The following CCNH variants were observed in gnomAD, a reference collection of about 807,000 sequenced individuals.
CCNH encodes the protein cyclin H, also known as cyclin-H.
A neutral mutation model predicts 41.9 loss-of-function variants in CCNH; 31 were observed. That is an observed-to-expected ratio of 0.74 (90% CI 0.56 to 1.00). The LOEUF (loss-of-function observed/expected upper bound fraction) is 1.00. Among genes scored for constraint, CCNH ranks in the 50% least tolerant of loss-of-function variants. The pLI is 0.00. For missense variants in CCNH, 362 were observed against 388.4 expected (o/e 0.93, Z 0.57); for synonymous variants, 138 against 136.1 (o/e 1.01, Z -0.10).
chr5:87,331,159 C>A, intron 9 of CCNH: 1 of 882,144 alleles, frequency 1.1e-6, no homozygotes. Context: ...AATTAAAGAC[C>A]AAGTAAATGA....
chr5:87,372,092 C>G (rs749739962), downstream of CCNH: 2 of 1,603,156 alleles, frequency 1.2e-6, no homozygotes, highest in South Asian at 2.2e-5. Context: ...GTGTATATTT[C>G]TTTGAAGTGC....
rs1561341490 is a variant in CCNH at position 87,395,042 on chromosome 5, ACCT to A, written c.932_933+1del. 6.2e-7 allele frequency: 1 copy of A among 1,607,260 alleles called. No homozygotes were observed. On this transcript the variant is annotated splice_donor_variant and coding_sequence_variant, in exon 8 of 9. Transcript: ENST00000256897. LOFTEE classifies it high-confidence loss of function. Reference sequence around the variant, plus strand: ...AGAGTTCATCTTTGGAGTAAAACATACCTCCTCATGTTTGGATTTCTTTGAGAC... The same window carrying A: ...AGAGTTCATCTTTGGAGTAAAACATACCTCATGTTTGGATTTCTTTGAGAC...
chr5:87,367,949 A>G (rs1166331614), intron 9 of CCNH, among the ~76,000 whole-genome samples: 1 of 152,080 alleles, frequency 6.6e-6, no homozygotes, highest in Non-Finnish European at 1.5e-5. Flanking sequence ...TTTAGTGGGA[A>G]AACTAAAATG....
intron 9 of CCNH, among the ~76,000 whole-genome samples, chr5:87,366,823 G>C (rs1201385450): frequency 6.6e-6 from 1 of 152,156 alleles, no homozygotes; most frequent in Admixed American, 6.5e-5. Flanking sequence ...CTTAAGCTCA[G>C]GGGTTGGAGA....
chr5:87,382,556 G>C (rs1020212937), intron 9 of CCNH, among the ~76,000 whole-genome samples: 6 of 152,044 alleles, frequency 3.9e-5, no homozygotes, highest in African/African-American at 1.5e-4. Context: ...TTATTAGTGT[G>C]GATTCTTCTT....
chr5:87,400,840 G>T (rs1050460069), intron 6 of CCNH, among the ~76,000 whole-genome samples: 1 of 152,182 alleles, frequency 6.6e-6, no homozygotes, highest in African/African-American at 2.4e-5. Context: ...TAGCAGCCAT[G>T]ACCAAGTGTG....
At chr5:87,338,532 TAAA>T (rs372828519) in intron 9 of CCNH, among the ~76,000 whole-genome samples, 1,747 of 59,554 alleles carry the variant, frequency 0.029, 126 homozygotes, top group African/African-American at 0.07. Context: ...TATATATATA[TAAA>T]ATTTTTTTTT....
chr5:87,390,510 G>A (rs1362200528), downstream of CCNH, among the ~76,000 whole-genome samples: 1 of 151,574 alleles, frequency 6.6e-6, no homozygotes, highest in Admixed American at 6.6e-5. Flanking sequence ...TTAAAAGAGA[G>A]ATAAACTGCT....
rs1269412442 is a variant in CCNH at position 87,408,064 on chromosome 5, T to C, written c.437A>G (p.Tyr146Cys). 14 of 1,613,596 alleles carry C rather than the reference T, an allele frequency of 8.7e-6. No individual in the cohort carries two copies. The highest frequency in any genetic ancestry group is 1.2e-5 in the Non-Finnish European group (14 of 1,179,490). Residue 146 changes from tyrosine (Y) to cysteine (C), a missense_variant, in exon 4 of 9, where the codon TAT becomes TGT. By Grantham distance (194) the Tyr-to-Cys change is radical. Coordinates refer to ENST00000256897, the MANE Select transcript of CCNH (RefSeq NM_001239.4). ...AAGTTGCTGTATAAGAAGTAGTTCATATTCCAGTATCTGTTCAAGTGCCTT... is the reference window on the plus strand; with the variant it reads ...AAGTTGCTGTATAAGAAGTAGTTCACATTCCAGTATCTGTTCAAGTGCCTT... ...QEKALEQILE[Y>C]ELLLIQQLNF...
exon 1 of CCNH, chr5:87,376,595 G>T: frequency 6.2e-7 from 1 of 1,600,150 alleles, no homozygotes. Context: ...TCTTGTTTTT[G>T]TTGGAATTAA....
chr5:87,387,241 G>C (rs1762122962), downstream of CCNH, among the ~76,000 whole-genome samples: 1 of 151,780 alleles, frequency 6.6e-6, no homozygotes, highest in African/African-American at 2.4e-5. Flanking sequence ...TTTTTACTTT[G>C]CTGCTACTAT....
intron 9 of CCNH, among the ~76,000 whole-genome samples, chr5:87,383,118 AAAG>A (rs1174326970): frequency 8.6e-5 from 13 of 152,038 alleles, no homozygotes; most frequent in Non-Finnish European, 5.9e-5. Flanking sequence ...AAAAAGGAAA[AAAG>A]AAAACCTTTC....
intron 6 of CCNH, among the ~76,000 whole-genome samples, chr5:87,399,788 ACTT>A (rs1763258663): frequency 6.6e-6 from 1 of 152,098 alleles, no homozygotes; most frequent in Non-Finnish European, 1.5e-5. Context: ...TACTGGGGTC[ACTT>A]CTTGTTCAGT....
In CCNH at chr5:87,341,354, A is replaced by G. The variant is rs762992325; in HGVS notation, c.*91-22457T>C. 28 of 1,298,966 alleles carry G rather than the reference A, an allele frequency of 2.2e-5. No homozygotes were observed. The East Asian group carries it at 6.8e-4, about 32-fold the overall frequency. The allele number at this position is 1,298,966 out of a possible 1,614,324, so 80.5% of individuals were successfully genotyped here. A position where few individuals can be genotyped will look rare whatever the true frequency, so the allele number is the denominator to read the frequency against. On this transcript the variant is annotated intron_variant and NMD_transcript_variant, in intron 9 of 9. Coordinates refer to the CCNH transcript ENST00000645953. ...TGTGTTAATTATTAAAATGAAAAAA[A>G]AAATCTATATTGTAAATTTACTAAT...
chr5:87,388,813 T>A (rs1361062452), downstream of CCNH, among the ~76,000 whole-genome samples: 3 of 152,204 alleles, frequency 2.0e-5, no homozygotes, highest in Non-Finnish European at 4.4e-5. Context: ...AAATTTCATC[T>A]AGGAATTTTA....
intron 9 of CCNH, chr5:87,331,617 T>C: frequency 7.9e-6 from 9 of 1,133,282 alleles, no homozygotes; most frequent in Non-Finnish European, 1.0e-5. Flanking sequence ...AGAAGGAAGC[T>C]TGTTTTCAGT....
downstream of CCNH, among the ~76,000 whole-genome samples, chr5:87,314,749 A>G (rs1438779789): frequency 6.6e-6 from 1 of 152,190 alleles, no homozygotes; most frequent in East Asian, 1.9e-4. Context: ...TTAAAAAAAA[A>G]AAGTGTTGAG....
At position 87,346,538 on chromosome 5, in the gene CCNH, G is replaced by C. The variant is rs16902630; in HGVS notation, c.*91-27641C>G. On this transcript the variant is annotated intron_variant and NMD_transcript_variant, in intron 9 of 9. Transcript: ENST00000645953. Reference sequence around the variant, plus strand: ...TATAAAATGTATTAAAATGTAATAAGAATGAGATGATTTGATTAATTGCAT... The same window carrying C: ...TATAAAATGTATTAAAATGTAATAACAATGAGATGATTTGATTAATTGCAT... 309 of 523,578 alleles carry C rather than the reference G, an allele frequency of 5.9e-4. 2 individuals are homozygous for C. In the East Asian group the frequency reaches 8.6e-3, roughly 15 times the overall value. 32.4% of individuals were successfully genotyped at this position (523,578 alleles called of 1,614,324 possible). A position where few individuals can be genotyped will look rare whatever the true frequency, so the allele number is the denominator to read the frequency against.
intron 9 of CCNH, chr5:87,363,425 A>C (rs1478096549): frequency 6.2e-7 from 1 of 1,611,436 alleles, no homozygotes; most frequent in Admixed American, 1.7e-5. Context: ...TGAAAGCGAA[A>C]AACGAGCTAC....
Sources: gnomAD v4.1 joint callset for allele counts (sites outside exome capture counted in the v4.1 genomes callset) on GRCh38, gnomAD v4.1.1 for gene constraint, MANE v1.5 for transcripts, NCBI Gene and HGNC (gene_info 2026-07-23, HGNC 2026-07-21) for gene names.